The following TTN variants were observed in gnomAD, a reference collection of about 807,000 sequenced individuals.
TTN encodes titin.
A neutral mutation model predicts 3,223.0 loss-of-function variants in TTN; 1,525 were observed. The ratio of observed to expected loss-of-function variants is 0.47; its 90% confidence interval spans 0.45 to 0.49. TTN has a LOEUF of 0.49. TTN is among the 20% of genes least tolerant of loss of function. TTN has a pLI of 0.00. For synonymous variants in TTN, 14,094 were observed against 15,161.0 expected (o/e 0.93, Z 5.17); for missense variants, 40,786 against 43,424.0 (o/e 0.94, Z 5.40).
At chr2:178,699,034 G>T in intron 111 of TTN, 120 bp from the exon 112 acceptor site, 1 of 1,052,470 alleles carries the variant, frequency 9.5e-7, no homozygotes, top group South Asian at 1.7e-5. Flanking sequence ...TGATAGTAGC[G>T]AGATTCTGCA....
chr2:178,557,885 G>A lies in TTN; in HGVS notation c.87469C>T (p.Leu29157Phe), dbSNP rs1311609495. The A allele has an allele frequency of 6.2e-7, 1 of 1,613,754 alleles. No homozygotes were observed. Among genetic ancestry groups the A allele is most frequent in the Non-Finnish European group, 8.5e-7 (1 of 1,179,858 alleles). ...ISDITEESVT[L>F]KWEPPKYDGG... ...TCATACTTAGGTGGCTCCCATTTGAGAGTCACACTTTCTTCAGTTATATCA... is the reference window on the plus strand; with the variant it reads ...TCATACTTAGGTGGCTCCCATTTGAAAGTCACACTTTCTTCAGTTATATCA... Residue 29157 changes from leucine to phenylalanine, a missense_variant, in exon 328 of 363, where the codon CTC becomes TTC. By Grantham distance (22) the Leu-to-Phe change is conservative. Transcript: ENST00000589042.
At chr2:178,603,832 T>A (rs1298762686) in intron 282 of TTN, 44 bp downstream of exon 282, 1 of 1,509,510 alleles carries the variant, frequency 6.6e-7, no homozygotes, top group Non-Finnish European at 8.9e-7. Flanking sequence ...ATTTAGTGAC[T>A]TTGTGCTTTA....
Position 178,614,587 on chromosome 2 carries a change from A to G in TTN, c.48927T>C (p.Asn16309=). The part of the protein sequence containing the change: ...LKQDKRITIE[N]VPKKSTVTIV... Reference sequence around the variant, plus strand: ...TAGTCACTGTGGATTTCTTAGGGACATTTTCAATGGTAATTCTTTTGTCCT... The same window carrying G: ...TAGTCACTGTGGATTTCTTAGGGACGTTTTCAATGGTAATTCTTTTGTCCT... Residue 16309 remains asparagine, a synonymous_variant, in exon 261 of 363, where the codon AAT becomes AAC. Transcript: ENST00000589042. 1 of 1,612,318 alleles carries G rather than the reference A, an allele frequency of 6.2e-7. No homozygotes were observed. The highest frequency in any genetic ancestry group is 8.5e-7 in the Non-Finnish European group (1 of 1,179,128).
intron 263 of TTN, among the ~76,000 whole-genome samples, 157 bp downstream of exon 263, chr2:178,613,594 T>C (rs1340075234): frequency 1.3e-5 from 2 of 151,992 alleles, no homozygotes; most frequent in South Asian, 2.1e-4. Context: ...ATGGAATTTA[T>C]ATAATTTTTC....
At chr2:178,670,502 T>C (rs1168028968) in intron 156 of TTN, among the ~76,000 whole-genome samples, 1 of 151,904 alleles carries the variant, frequency 6.6e-6, no homozygotes, top group Non-Finnish European at 1.5e-5. Flanking sequence ...CATGTTAGAA[T>C]GGTAAGAACT....
chr2:178,795,303 T>C lies in TTN; in HGVS notation c.915-51A>G, dbSNP rs3754950. 0.028 allele frequency: 42,950 copies of C among 1,557,072 alleles called. 2,107 individuals are homozygous for C. The highest frequency in any genetic ancestry group is 0.18 in the African/African-American group (13,236 of 73,778). Reference sequence around the variant, plus strand: ...GAATGTCAAAGCAAGGAGGGGTAACTGGATGTGAATCATGAGATGAAAAGC... The same window carrying C: ...GAATGTCAAAGCAAGGAGGGGTAACCGGATGTGAATCATGAGATGAAAAGC... On this transcript the variant is annotated intron_variant, in intron 6 of 362. Transcript: ENST00000589042.
rs768808788 is a variant in TTN, at chr2:178,727,657, T to G, written c.19921A>C (p.Thr6641Pro). 1 of 1,612,972 alleles carries G rather than the reference T, an allele frequency of 6.2e-7. No homozygotes were observed. Among genetic ancestry groups the G allele is most frequent in the South Asian group, 1.1e-5 (1 of 90,976 alleles). ...LNLYSVDASK[T>P]GQYTCHVTND... ...GTAACATGGCAAGTATACTGTCCAG[T>G]CTTAGAAGCATCCACTGAGTAGAGA... Residue 6641 changes from threonine to proline, a missense_variant, in exon 68 of 363, where the codon ACT (threonine) becomes CCT (proline). Coordinates refer to ENST00000589042, the MANE Select transcript of TTN (RefSeq NM_001267550.2).
At chr2:178,685,136 C>T in intron 129 of TTN, 117 bp downstream of exon 129, 2 of 1,174,900 alleles carry the variant, frequency 1.7e-6, no homozygotes, top group Admixed American at 4.9e-5. Flanking sequence ...TACATGTGTT[C>T]TGACAAAACG....
chr2:178,797,031 A>G (rs2093804889), intron 6 of TTN, among the ~76,000 whole-genome samples: 1 of 152,156 alleles, frequency 6.6e-6, no homozygotes, highest in Non-Finnish European at 1.5e-5. Flanking sequence ...GGAAAGCAAA[A>G]TTTTGGGGCA....
rs555411623 is a variant in TTN, at chr2:178,711,234, C to G, written c.28002G>C (p.Trp9334Cys). 1 of 1,613,782 alleles carries G rather than the reference C, an allele frequency of 6.2e-7. No individual in the cohort carries two copies. The highest frequency in any genetic ancestry group is 2.2e-5 in the East Asian group (1 of 44,872). The change falls in exon 97 of 363, where the codon TGG becomes TGC. Residue 9334 changes from tryptophan to cysteine, a missense_variant. By Grantham distance (215) the Trp-to-Cys change is radical. Coordinates refer to ENST00000589042, the MANE Select transcript of TTN (RefSeq NM_001267550.2). ...ISGSEPISVSWYKDGKPLKDS... is the reference protein window; with the variant it reads ...ISGSEPISVSCYKDGKPLKDS... ...CTTTCAATGGCTTGCCGTCTTTATA[C>G]CAAGACACGGAGATAGGTTCTGATC...
chr2:178,566,067 T>C lies in TTN; in HGVS notation c.80065A>G (p.Asn26689Asp), dbSNP rs1289700659. The C allele has an allele frequency of 6.2e-7, 1 of 1,613,534 alleles. No homozygotes were observed. Among genetic ancestry groups the C allele is most frequent in the African/African-American group, 1.3e-5 (1 of 74,914 alleles). ...KVLDTPGPPQ[N>D]LAVKEVRKDS... is the part of the protein sequence containing the mutation. The stretch of plus-strand genomic sequence containing the variant: ...TTTCTCACTTCTTTGACTGCCAAAT[T>C]CTGTGGTGGTCCTGGAGTGTCAAGA... Residue 26689 changes from asparagine to aspartate, a missense_variant, in exon 326 of 363, where the codon AAT becomes GAT. By Grantham distance (23) the Asn-to-Asp change is conservative. Coordinates refer to ENST00000589042, the MANE Select transcript of TTN (RefSeq NM_001267550.2).
intron 330 of TTN, 111 bp downstream of exon 330, chr2:178,556,737 C>T: frequency 1.5e-6 from 2 of 1,300,296 alleles, no homozygotes; most frequent in South Asian, 1.4e-5. Context: ...CTTCCAAAAA[C>T]CCCATTAAGG....
At chr2:178,632,053 A>G (rs2059871487) in intron 236 of TTN, 94 bp downstream of exon 236, 1 of 1,340,554 alleles carries the variant, frequency 7.5e-7, no homozygotes, top group Admixed American at 3.0e-5. Context: ...GCTTTCATGC[A>G]ATATAACACT....
chr2:178,589,787 A>T lies in TTN; in HGVS notation c.61938T>A (p.Asn20646Lys). ...CGATGGTTGGCCCAACACCTACTTT[A>T]TTCTCTGCACAAACTCGGAAATAGT... is the stretch of plus-strand genomic sequence containing the variant. The part of the protein sequence containing the change: ...NEYYFRVCAE[N>K]KVGVGPTIET... Residue 20646 changes from asparagine to lysine, a missense_variant, in exon 304 of 363, where the codon AAT becomes AAA. Transcript: ENST00000589042. 1 of 1,613,562 alleles carries T rather than the reference A, an allele frequency of 6.2e-7. No homozygotes were observed. Among genetic ancestry groups the T allele is most frequent in the Non-Finnish European group, 8.5e-7 (1 of 1,179,610 alleles).
rs765019023 is a variant in TTN, at chr2:178,774,204, T to TA, written c.7057+2dup. ...GCAGGCTGACAGGAATGGGAGGACT[T>TA]ACGTTTCATCTTTAATTTACAGGTT... On this transcript the variant is annotated splice_region_variant and intron_variant, in intron 30 of 362. Transcript: ENST00000589042. The TA allele has an allele frequency of 1.3e-5, 21 of 1,613,968 alleles. No individual in the cohort carries two copies. Among genetic ancestry groups the TA allele is most frequent in the Non-Finnish European group, 1.7e-6 (2 of 1,179,978 alleles).
chr2:178,651,792 GAAAC>G, intron 205 of TTN, 43 bp from the exon 206 acceptor site: 1 of 1,608,042 alleles, frequency 6.2e-7, no homozygotes, highest in Non-Finnish European at 8.5e-7. Context: ...CGAAGATTGA[GAAAC>G]AAGACAAAAG....
At chr2:178,690,008 A>G (rs959823850) in intron 121 of TTN, 112 bp from the exon 122 acceptor site, 1 of 807,476 alleles carries the variant, frequency 1.2e-6, no homozygotes, top group Non-Finnish European at 2.0e-6. Context: ...TGGATTATCT[A>G]TGCATCAGCA....
At chr2:178,721,319 A>G in intron 78 of TTN, 117 bp from the exon 79 acceptor site, 1 of 878,040 alleles carries the variant, frequency 1.1e-6, no homozygotes, top group Non-Finnish European at 1.5e-6. Flanking sequence ...TATTAAGAAT[A>G]TACTTTCTGA....
Position 178,602,350 on chromosome 2 carries a change from G to A in TTN, c.55052C>T (p.Ala18351Val). 6.2e-7 allele frequency: 1 copy of A among 1,612,938 alleles called. No homozygotes were observed. The change falls in exon 283 of 363, where the codon GCT (alanine) becomes GTT (valine). Residue 18351 changes from alanine to valine, a missense_variant. Coordinates refer to ENST00000589042, the MANE Select transcript of TTN (RefSeq NM_001267550.2). ...TTCAGATTCACCAGCTTCATTGACA[G>A]CTTTCACTCTGAATCTGTACTTCCT... is the stretch of plus-strand genomic sequence containing the variant. ...ELRKYRFRVK[A>V]VNEAGESEPS...
Sources: allele counts gnomAD v4.1 joint callset (sites outside exome capture counted in the v4.1 genomes callset), GRCh38; gene constraint gnomAD v4.1.1; transcripts MANE v1.5; gene names NCBI Gene and HGNC (gene_info 2026-07-23, HGNC 2026-07-21).